TBXAS1: variants seen among roughly 807,000 people sequenced by gnomAD.
The protein encoded by TBXAS1 is thromboxane-A synthase.
TBXAS1 carries 48 observed loss-of-function variants against 60.7 expected under a neutral mutation model. That is an observed-to-expected ratio of 0.79 (90% CI 0.63 to 1.01). The LOEUF (loss-of-function observed/expected upper bound fraction) is 1.01, where lower values mean the gene tolerates loss of function less well. TBXAS1 is among the 50% of genes least tolerant of loss of function. The pLI, the probability that TBXAS1 is intolerant of heterozygous loss-of-function variation, is 0.00. For synonymous variants in TBXAS1, 287 were observed against 269.7 expected (o/e 1.06, Z -0.63); for missense variants, 685 against 686.3 (o/e 1.00, Z 0.02).
At position 140,013,841 on chromosome 7, in the gene TBXAS1, A is replaced by C. The variant is rs1814807923; in HGVS notation, c.1227-1882A>C. ...TGCTCATGGCCTTAATCCCAAACCCAGGTCCTAAACTACCTCTCACTGTGC... is the reference window on the plus strand; with the variant it reads ...TGCTCATGGCCTTAATCCCAAACCCCGGTCCTAAACTACCTCTCACTGTGC... On this transcript the variant is annotated intron_variant, in intron 10 of 12. Transcript: ENST00000448866. The surrounding 1 kb of genome is among the most constrained non-coding windows in gnomAD (Gnocchi z 4.2). Among the ~76,000 whole-genome samples, 4 of 152,232 alleles carry C rather than the reference A, an allele frequency of 2.6e-5. No individual in the cohort carries two copies. The highest frequency in any genetic ancestry group is 2.0e-4 in the Admixed American group (3 of 15,288).
chr7:139,829,176 T>G (rs530155928), upstream of TBXAS1: 3 of 676,286 alleles, frequency 4.4e-6, no homozygotes, highest in South Asian at 4.5e-5. Context: ...GCTGATTCAT[T>G]CCTTTACACT....
At chr7:139,783,603 A>G (rs1042568698) in intron 3 of TBXAS1, among the ~76,000 whole-genome samples, 4 of 152,216 alleles carry the variant, frequency 2.6e-5, no homozygotes, top group Admixed American at 6.5e-5. Flanking sequence ...TGGTGCAGAA[A>G]GAAGCTTGGG....
intron 4 of TBXAS1, among the ~76,000 whole-genome samples, chr7:139,929,619 C>A (rs2117150750): frequency 6.6e-6 from 1 of 152,340 alleles, no homozygotes; most frequent in East Asian, 1.9e-4. Flanking sequence ...GAACTCATAT[C>A]TAACAGCTAT....
chr7:139,970,448 C>T (rs1811116381), intron 9 of TBXAS1, among the ~76,000 whole-genome samples: 1 of 152,262 alleles, frequency 6.6e-6, no homozygotes, highest in South Asian at 2.1e-4. Flanking sequence ...GATGCTGATA[C>T]AGCCAGTCCA....
rs564342336 is a variant in TBXAS1, at chr7:140,016,100, G to A, written c.1364+240G>A. ...TCCCAGCACTTTGGGAGGCCAAGGT[G>A]GGCAGATCACGAGGTCAGGAGATCG... On this transcript the variant is annotated intron_variant, in intron 11 of 12. Transcript: ENST00000448866. Among the ~76,000 whole-genome samples, 9 of 152,180 alleles carry A rather than the reference G, an allele frequency of 5.9e-5. No individual in the cohort carries two copies. In the South Asian group the frequency reaches 1.7e-3, roughly 28 times the overall value.
At chr7:139,942,539 G>A (rs1002304159) in intron 5 of TBXAS1, among the ~76,000 whole-genome samples, 1 of 152,158 alleles carries the variant, frequency 6.6e-6, no homozygotes, top group African/African-American at 2.4e-5. Context: ...CAGCTTGTAT[G>A]TTCTCCATTC....
At chr7:139,799,902 G>T (rs753553139) in intron 4 of TBXAS1, among the ~76,000 whole-genome samples, 1 of 152,166 alleles carries the variant, frequency 6.6e-6, no homozygotes, top group Non-Finnish European at 1.5e-5. Context: ...CCTCATTACC[G>T]TTTTATCTGC....
At chr7:139,974,783 A>G (rs1162167983) in intron 9 of TBXAS1, among the ~76,000 whole-genome samples, 1 of 152,072 alleles carries the variant, frequency 6.6e-6, no homozygotes, top group Non-Finnish European at 1.5e-5. Context: ...CTCCACTGTT[A>G]TTGATGATGA....
chr7:139,958,297 CAT>C (rs2117354748), intron 8 of TBXAS1, among the ~76,000 whole-genome samples: 1 of 152,322 alleles, frequency 6.6e-6, no homozygotes, highest in Admixed American at 6.5e-5. Context: ...TGGCACGATT[CAT>C]ATGAGACGTA....
chr7:139,880,418 G>C (rs954786111), intron 3 of TBXAS1, among the ~76,000 whole-genome samples: 11 of 152,114 alleles, frequency 7.2e-5, no homozygotes, highest in African/African-American at 2.7e-4. Flanking sequence ...ACTCCCATCA[G>C]AGCATCAAGT....
At chr7:139,978,922 T>G (rs959423930) in intron 9 of TBXAS1, among the ~76,000 whole-genome samples, 2 of 152,094 alleles carry the variant, frequency 1.3e-5, no homozygotes, top group Non-Finnish European at 2.9e-5. Context: ...GCCACTGCAC[T>G]CTAGCATGGG....
chr7:139,891,121 A>G (rs567182960), intron 3 of TBXAS1, among the ~76,000 whole-genome samples: 3 of 152,158 alleles, frequency 2.0e-5, no homozygotes, highest in African/African-American at 7.2e-5. Flanking sequence ...CCACTGTCCC[A>G]GGAGGAGATA....
intron 9 of TBXAS1, among the ~76,000 whole-genome samples, chr7:139,991,590 TAGAA>T (rs1392310609): frequency 1.3e-5 from 2 of 152,048 alleles, no homozygotes; most frequent in Admixed American, 6.5e-5. Context: ...AAATTCTTAT[TAGAA>T]AGAGTCAGTG....
rs56308016 is a variant in TBXAS1 at position 139,806,242 on chromosome 7, GTTATT to G, written c.-80+18850_-80+18854del. ...GCATGAGCCACTGTGCCTGGCCTAT[GTTATT>G]TTATTTTATTTTATTTTATTTTATT... On this transcript the variant is annotated intron_variant, in intron 4 of 16. Coordinates refer to the TBXAS1 transcript ENST00000336425. Among the ~76,000 whole-genome samples, 721 of 126,018 alleles carry G rather than the reference GTTATT, an allele frequency of 5.7e-3. 13 individuals are homozygous for G. Among genetic ancestry groups the G allele is most frequent in the African/African-American group, 0.018 (577 of 32,120 alleles). 82.7% of individuals were successfully genotyped at this position (126,018 alleles called of 152,430 possible).
chr7:139,972,522 A>C (rs778196896), intron 9 of TBXAS1, among the ~76,000 whole-genome samples: 12 of 152,192 alleles, frequency 7.9e-5, no homozygotes, highest in Non-Finnish European at 1.8e-4. Flanking sequence ...ATTCCCAACA[A>C]TTAGCTCTTG....
At chr7:139,789,809 T>G (rs1797322861) in intron 4 of TBXAS1, among the ~76,000 whole-genome samples, 1 of 152,094 alleles carries the variant, frequency 6.6e-6, no homozygotes, top group South Asian at 2.1e-4. Flanking sequence ...TTTTGCATTT[T>G]TACTAGGGAT....
intron 9 of TBXAS1, among the ~76,000 whole-genome samples, chr7:139,996,576 G>A (rs1813311998): frequency 6.6e-6 from 1 of 152,174 alleles, no homozygotes; most frequent in African/African-American, 2.4e-5. Context: ...CACCCATGTG[G>A]TCCTCTTTCT....
intron 10 of TBXAS1, among the ~76,000 whole-genome samples, chr7:140,009,960 C>T (rs1585052418): frequency 9.2e-6 from 1 of 108,118 alleles, no homozygotes; most frequent in East Asian, 2.6e-4. Flanking sequence ...CCCACACCTG[C>T]CCCGCACCTG....
intron 1 of TBXAS1, among the ~76,000 whole-genome samples, chr7:139,835,578 C>T (rs1389564407): frequency 2.6e-5 from 4 of 152,136 alleles, no homozygotes; most frequent in Admixed American, 6.5e-5. Flanking sequence ...AATCTGGCAT[C>T]CCTTTATGAT....
Sources: allele counts gnomAD v4.1 joint callset (sites outside exome capture counted in the v4.1 genomes callset), GRCh38; gene constraint gnomAD v4.1.1; non-coding constraint Gnocchi (gnomAD v3.1); transcripts MANE v1.5; gene names NCBI Gene and HGNC (gene_info 2026-07-23, HGNC 2026-07-21).